ZC3H12B: variants seen among roughly 807,000 people sequenced by gnomAD.
The protein encoded by ZC3H12B is probable ribonuclease ZC3H12B.
In ZC3H12B, 7 loss-of-function variants were observed where a neutral mutation model predicts 43.9. That is an observed-to-expected ratio of 0.16 (90% CI 0.09 to 0.30). The LOEUF (loss-of-function observed/expected upper bound fraction) is 0.30. ZC3H12B is among the 10% of genes least tolerant of loss of function. The pLI is 1.00. For missense variants in ZC3H12B, 475 were observed against 670.2 expected, an observed-to-expected ratio of 0.71 and a Z score of 3.22; for synonymous variants, 222 against 241.7, an observed-to-expected ratio of 0.92 and a Z score of 0.76.
chrX:65,435,126 T>G (rs950165691), intron 3 of ZC3H12B, among the ~76,000 whole-genome samples: 2 of 111,576 alleles, frequency 1.8e-5, no homozygotes, highest in Non-Finnish European at 3.8e-5. Flanking sequence ...TGTGTTTGAT[T>G]TTTAACAGTT....
At chrX:65,176,002 T>C in the ZC3H12B span, among the ~76,000 whole-genome samples, 1 of 112,084 alleles carries the variant, frequency 8.9e-6, no homozygotes, top group South Asian at 3.7e-4. Context: ...GCATTTTTTT[T>C]CATGCCCCAG....
chrX:65,428,581 G>A (rs983691608), intron 3 of ZC3H12B, among the ~76,000 whole-genome samples: 7 of 112,660 alleles, frequency 6.2e-5, no homozygotes, highest in East Asian at 2.8e-4. Context: ...TGAAGTTCTT[G>A]TAGTTTGTTT....
intron 3 of ZC3H12B, among the ~76,000 whole-genome samples, chrX:65,399,757 A>G (rs1366463367): frequency 8.9e-6 from 1 of 112,412 alleles, no homozygotes; most frequent in African/African-American, 3.2e-5. Flanking sequence ...CCTATGCACA[A>G]TAGCCAAGAT....
chrX:65,192,012 G>T, the ZC3H12B span, among the ~76,000 whole-genome samples: 1 of 109,130 alleles, frequency 9.2e-6, no homozygotes, highest in Non-Finnish European at 1.9e-5. Context: ...CTTTGTTCTC[G>T]TTGGTTTCAA....
the ZC3H12B span, among the ~76,000 whole-genome samples, chrX:65,136,511 T>G: frequency 1.9e-3 from 213 of 111,289 alleles, no homozygotes; most frequent in Non-Finnish European, 3.2e-3. Context: ...TTTGCTTGCA[T>G]GGTTTGGGGT....
At chrX:65,117,387 G>A in the ZC3H12B span, among the ~76,000 whole-genome samples, 7 of 111,619 alleles carry the variant, frequency 6.3e-5, no homozygotes, top group South Asian at 1.1e-3. Flanking sequence ...CATATCCTTC[G>A]CCCACTTTTT....
At chrX:65,157,466 A>G in the ZC3H12B span, among the ~76,000 whole-genome samples, 1 of 112,111 alleles carries the variant, frequency 8.9e-6, no homozygotes, top group Admixed American at 9.5e-5. Context: ...TGTTATTTCT[A>G]GTAATGCTTT....
At chrX:65,220,986 A>G in the ZC3H12B span, among the ~76,000 whole-genome samples, 8 of 112,009 alleles carry the variant, frequency 7.1e-5, no homozygotes, top group African/African-American at 2.6e-4. Context: ...GGAAAATGAA[A>G]TTATATCAAG....
chrX:65,318,002 T>A, the ZC3H12B span, among the ~76,000 whole-genome samples: 1 of 108,451 alleles, frequency 9.2e-6, no homozygotes, highest in East Asian at 2.9e-4. Flanking sequence ...AGTATCTTTT[T>A]TGTATAATGA....
chrX:65,092,810 T>TA, the ZC3H12B span, among the ~76,000 whole-genome samples: 1 of 112,090 alleles, frequency 8.9e-6, no homozygotes. Context: ...GACCATGTGA[T>TA]AAAAAAGGAA....
At chrX:65,094,365 T>A in the ZC3H12B span, among the ~76,000 whole-genome samples, 1 of 110,043 alleles carries the variant, frequency 9.1e-6, no homozygotes. Context: ...ATGAAACAAG[T>A]TTATACAACT....
the ZC3H12B span, chrX:65,185,521 A>T: frequency 8.9e-6 from 1 of 111,919 alleles, no homozygotes; most frequent in African/African-American, 3.2e-5. Context: ...TTGGTAATTC[A>T]GTAGCTCCTA....
chrX:65,257,243 C>T, the ZC3H12B span, among the ~76,000 whole-genome samples: 1 of 111,925 alleles, frequency 8.9e-6, no homozygotes, highest in African/African-American at 3.3e-5. Context: ...GAAAATGTGG[C>T]ACATATACAC....
Position 65,472,825 on chromosome X carries a change from G to GATATATATATATAT in ZC3H12B, n.408-15800_408-15787dup, listed in dbSNP as rs58372328. On this transcript the variant is annotated intron_variant and non_coding_transcript_variant, in intron 3 of 5. Transcript: ENST00000617377. ...ATACTGTTTTGATTACCATACCTTT[G>GATATATATATATAT]ATATATATATATATATATATATATA... Among the ~76,000 whole-genome samples the GATATATATATATAT allele has an allele frequency of 3.4e-3, 106 of 31,550 alleles. 3 individuals are homozygous for GATATATATATATAT. The highest frequency in any genetic ancestry group is 0.019 in the African/African-American group (89 of 4,654). 27.4% of individuals were successfully genotyped at this position (31,550 alleles called of 115,157 possible).
the ZC3H12B span, among the ~76,000 whole-genome samples, chrX:65,063,755 T>C: frequency 8.9e-6 from 1 of 112,330 alleles, no homozygotes; most frequent in African/African-American, 3.2e-5. Flanking sequence ...TTTGTACCTC[T>C]GGTAGAAATT....
At chrX:65,230,648 A>T in the ZC3H12B span, among the ~76,000 whole-genome samples, 1 of 110,050 alleles carries the variant, frequency 9.1e-6, no homozygotes, top group South Asian at 3.9e-4. Flanking sequence ...TTTAAAAAGC[A>T]TAGAAAAAAA....
At chrX:65,391,662 A>T (rs2066617826) in intron 2 of ZC3H12B, among the ~76,000 whole-genome samples, 1 of 111,301 alleles carries the variant, frequency 9.0e-6, no homozygotes. Context: ...ATGGACACTG[A>T]GTCCTGCAGT....
chrX:65,365,069 T>G (rs2066155858), upstream of ZC3H12B, among the ~76,000 whole-genome samples: 1 of 111,372 alleles, frequency 9.0e-6, no homozygotes, highest in African/African-American at 3.3e-5. Context: ...CGGACTGTCC[T>G]TTGTTAGTCA....
chrX:65,315,957 G>A, the ZC3H12B span, among the ~76,000 whole-genome samples: 1 of 111,601 alleles, frequency 9.0e-6, no homozygotes, highest in Non-Finnish European at 1.9e-5. Flanking sequence ...AAATGGTATG[G>A]TCATTTTTAA....
Sources: gnomAD v4.1 joint callset for allele counts (sites outside exome capture counted in the v4.1 genomes callset) on GRCh38, gnomAD v4.1.1 for gene constraint, MANE v1.5 for transcripts, NCBI Gene and HGNC (gene_info 2026-07-23, HGNC 2026-07-21) for gene names.